UXS1: variants seen among roughly 807,000 people sequenced by gnomAD.
UXS1 encodes the protein UDP-glucuronate decarboxylase 1.
UXS1 carries 33 observed loss-of-function variants against 62.6 expected under a neutral mutation model. That is an observed-to-expected ratio of 0.53 (90% CI 0.40 to 0.70). The LOEUF is 0.70. UXS1 is among the 30% of genes least tolerant of loss of function. The pLI, the probability that UXS1 is intolerant of heterozygous loss-of-function variation, is 0.00. For missense variants in UXS1, 434 were observed against 556.3 expected (o/e 0.78, Z 2.21); for synonymous variants, 213 against 206.8 (o/e 1.03, Z -0.26).
At chr2:106,146,106 T>C (rs1379838864) in intron 5 of UXS1, among the ~76,000 whole-genome samples, 2 of 152,190 alleles carry the variant, frequency 1.3e-5, no homozygotes, top group Admixed American at 6.5e-5. Flanking sequence ...TACTTTTAAG[T>C]TGAACACAGG....
At chr2:106,096,696 A>G in intron 14 of UXS1, 22 bp downstream of exon 14, 3 of 1,539,384 alleles carry the variant, frequency 1.9e-6, no homozygotes, top group South Asian at 2.5e-5. Context: ...CCCACAAGGC[A>G]GCATTAACTC....
At chr2:106,175,162 CTTTAA>C (rs1455071547) in intron 1 of UXS1, among the ~76,000 whole-genome samples, 5 of 152,208 alleles carry the variant, frequency 3.3e-5, no homozygotes, top group African/African-American at 4.8e-5. Context: ...AGCAGGAACA[CTTTAA>C]TTTAGAGAGA....
chr2:106,163,694 C>T lies in UXS1; in HGVS notation c.203G>A (p.Arg68Lys). Reference sequence around the variant, plus strand: ...TTTTTCTAAATCTCTGATTTTCTCTCTTAGTGGTTCAACCATCTAGAACAA... The same window carrying T: ...TTTTTCTAAATCTCTGATTTTCTCTTTTAGTGGTTCAACCATCTAGAACAA... ...SKIEEMVEPL[R>K]EKIRDLEKSF... Residue 68 changes from arginine to lysine, a missense_variant, in exon 4 of 15, where the codon AGA (arginine) becomes AAA (lysine). Arg to Lys is a conservative substitution (Grantham distance 26). Transcript: ENST00000283148. 1 of 1,467,582 alleles carries T rather than the reference C, an allele frequency of 6.8e-7. No homozygotes were observed. Among genetic ancestry groups the T allele is most frequent in the South Asian group, 1.4e-5 (1 of 72,184 alleles). 90.9% of individuals were successfully genotyped at this position (1,467,582 alleles called of 1,614,324 possible). A position where few individuals can be genotyped will look rare whatever the true frequency, so the allele number is the denominator to read the frequency against.
intron 2 of UXS1, among the ~76,000 whole-genome samples, chr2:106,165,378 T>TACAATACCAACCTAATCATC (rs1683152328): frequency 6.6e-6 from 1 of 152,160 alleles, no homozygotes; most frequent in South Asian, 2.1e-4. Flanking sequence ...CGCATTACAT[T>TACAATACCAACCTAATCATC]ACAATACCAA....
At chr2:106,110,398 G>A (rs778206320) in intron 10 of UXS1, among the ~76,000 whole-genome samples, 4 of 152,204 alleles carry the variant, frequency 2.6e-5, no homozygotes, top group Non-Finnish European at 5.9e-5. Flanking sequence ...TGGCCAAGGA[G>A]GCACTAAATC....
At chr2:106,173,931 G>A (rs73951242) in intron 1 of UXS1, among the ~76,000 whole-genome samples, 5,010 of 152,336 alleles carry the variant, frequency 0.033, 125 homozygotes, top group East Asian at 0.066. Flanking sequence ...CCAGTCCAAG[G>A]AGTTCTTGTC....
chr2:106,130,348 G>A (rs988450566), intron 6 of UXS1, among the ~76,000 whole-genome samples: 7 of 152,184 alleles, frequency 4.6e-5, no homozygotes, highest in South Asian at 2.1e-4. Context: ...TCACTTTAAC[G>A]TCACTACCCA....
intron 1 of UXS1, among the ~76,000 whole-genome samples, chr2:106,186,022 G>A (rs975124629): frequency 2.0e-5 from 3 of 152,176 alleles, no homozygotes; most frequent in Non-Finnish European, 4.4e-5. Context: ...CTAATACAGT[G>A]AGAGAAGAAA....
At chr2:106,163,922 G>A (rs376140941) in intron 3 of UXS1, among the ~76,000 whole-genome samples, 12 of 152,202 alleles carry the variant, frequency 7.9e-5, no homozygotes, top group South Asian at 6.2e-4. Context: ...TAAATGCCTC[G>A]GTTTCTGAGA....
intron 1 of UXS1, among the ~76,000 whole-genome samples, chr2:106,191,164 A>C (rs1294904144): frequency 6.6e-6 from 1 of 152,184 alleles, no homozygotes; most frequent in African/African-American, 2.4e-5. Context: ...TCAGGGCCAG[A>C]GTAGGTAACA....
intron 7 of UXS1, 108 bp downstream of exon 7, chr2:106,129,565 GA>G: frequency 1.1e-6 from 1 of 927,218 alleles, no homozygotes; most frequent in Non-Finnish European, 1.7e-6. Context: ...AATAAGGGAC[GA>G]GGGAACACAC....
Position 106,179,333 on chromosome 2 carries a change from T to C in UXS1, c.95-13250A>G, listed in dbSNP as rs186172459. The stretch of plus-strand genomic sequence containing the variant: ...CCACAAAGGCCCTGCCCTGCACTTC[T>C]CCTGCTCTCCGCTCTCTGGCTCTGT... On this transcript the variant is annotated intron_variant, in intron 1 of 14. Coordinates refer to ENST00000283148, the MANE Select transcript of UXS1 (RefSeq NM_001253875.2). 6.6e-5 allele frequency among the ~76,000 whole-genome samples: 10 copies of C among 151,572 alleles called. No homozygotes were observed. In the East Asian group the frequency reaches 1.8e-3, roughly 27 times the overall value.
intron 11 of UXS1, 96 bp downstream of exon 11, chr2:106,104,698 T>C (rs1488797986): frequency 4.1e-6 from 6 of 1,451,714 alleles, no homozygotes; most frequent in Non-Finnish European, 5.8e-6. Flanking sequence ...GTTGTGGAAA[T>C]GGTTAACATA....
chr2:106,099,150 G>T (rs7563938), intron 12 of UXS1, among the ~76,000 whole-genome samples: 1 of 152,202 alleles, frequency 6.6e-6, no homozygotes, highest in Admixed American at 6.5e-5. Flanking sequence ...ATCTATTCCC[G>T]TCTGGGTGAG....
chr2:106,157,154 G>T (rs920176675), intron 5 of UXS1, among the ~76,000 whole-genome samples: 2 of 151,944 alleles, frequency 1.3e-5, no homozygotes, highest in Non-Finnish European at 2.9e-5. Context: ...CCTTGGGGGG[G>T]GCCTACAATT....
At chr2:106,157,037 A>G (rs1023046804) in intron 5 of UXS1, among the ~76,000 whole-genome samples, 1 of 152,224 alleles carries the variant, frequency 6.6e-6, no homozygotes, top group Non-Finnish European at 1.5e-5. Context: ...AATACCCAGA[A>G]TTGGCAAATC....
At chr2:106,162,340 A>T (rs1367147713) in intron 4 of UXS1, among the ~76,000 whole-genome samples, 1 of 152,246 alleles carries the variant, frequency 6.6e-6, no homozygotes, top group Non-Finnish European at 1.5e-5. Flanking sequence ...TCACAAAAGT[A>T]TCAAAGAGAT....
intron 1 of UXS1, among the ~76,000 whole-genome samples, chr2:106,175,751 T>C (rs1432885872): frequency 2.0e-5 from 3 of 152,146 alleles, no homozygotes; most frequent in African/African-American, 4.8e-5. Flanking sequence ...AGAAGCCCCC[T>C]GCAAGTGGAT....
chr2:106,140,319 A>C (rs1459585361), intron 6 of UXS1, among the ~76,000 whole-genome samples: 1 of 152,232 alleles, frequency 6.6e-6, no homozygotes, highest in Non-Finnish European at 1.5e-5. Flanking sequence ...CAACAGCTCC[A>C]AATTAAACAG....
Sources: gnomAD v4.1 joint callset for allele counts (sites outside exome capture counted in the v4.1 genomes callset) on GRCh38, gnomAD v4.1.1 for gene constraint, MANE v1.5 for transcripts, NCBI Gene and HGNC (gene_info 2026-07-23, HGNC 2026-07-21) for gene names.